The following LIPN variants were observed in gnomAD, a reference collection of about 807,000 sequenced individuals.
The protein encoded by LIPN is lipase member N.
In LIPN, 32 loss-of-function variants were observed where a neutral mutation model predicts 43.7. The observed-to-expected ratio is 0.73, with a 90% CI of 0.55 to 0.98. The LOEUF (loss-of-function observed/expected upper bound fraction) is 0.98. Ranked by LOEUF, LIPN falls within the 50% of genes least tolerant of loss-of-function variation. The pLI is 0.00. For synonymous variants in LIPN, 156 were observed against 157.6 expected, an observed-to-expected ratio of 0.99 and a Z score of 0.08; for missense variants, 505 against 483.8, an observed-to-expected ratio of 1.04 and a Z score of -0.41.
intron 5 of LIPN, among the ~76,000 whole-genome samples, chr10:88,767,743 A>G (rs1178189143): frequency 7.1e-6 from 1 of 141,088 alleles, no homozygotes; most frequent in African/African-American, 2.7e-5. Flanking sequence ...GGACATAAAT[A>G]TTTTTAGTGA....
chr10:88,770,509 C>T (rs1468164232), intron 6 of LIPN, among the ~76,000 whole-genome samples: 1 of 151,760 alleles, frequency 6.6e-6, no homozygotes, highest in Non-Finnish European at 1.5e-5. Context: ...GATTGAGGGC[C>T]TTTATTGCAA....
At chr10:88,771,988 C>A (rs1053938421) in intron 7 of LIPN, among the ~76,000 whole-genome samples, 2 of 151,688 alleles carry the variant, frequency 1.3e-5, no homozygotes, top group Admixed American at 6.6e-5. Flanking sequence ...AGTTTTAGTT[C>A]GCATTTCTCT....
At chr10:88,770,809 A>G in intron 6 of LIPN, 36 bp from the exon 7 acceptor site, 1 of 1,274,384 alleles carries the variant, frequency 7.8e-7, no homozygotes, top group Non-Finnish European at 1.1e-6. Flanking sequence ...CAAATATTTT[A>G]TCTCATTCAA....
intron 4 of LIPN, among the ~76,000 whole-genome samples, chr10:88,764,881 T>G (rs1843066894): frequency 6.6e-6 from 1 of 152,032 alleles, no homozygotes; most frequent in African/African-American, 2.4e-5. Flanking sequence ...CAGGAAATTA[T>G]CATGACCAAT....
intron 8 of LIPN, 142 bp downstream of exon 8, chr10:88,774,686 G>A (rs74147279): frequency 0.012 from 8,046 of 673,182 alleles, 261 homozygotes; most frequent in African/African-American, 0.084. Context: ...TGTATGCCTT[G>A]ATTTCCCTGG....
At chr10:88,757,733 AG>A (rs1842944387), upstream of LIPN, among the ~76,000 whole-genome samples, 2 of 152,172 alleles carry the variant, frequency 1.3e-5, no homozygotes, top group Non-Finnish European at 2.9e-5. Flanking sequence ...CTTTGAGTAA[AG>A]AGATGAAATT....
chr10:88,760,364 G>A (rs1024533749), intron 1 of LIPN, among the ~76,000 whole-genome samples: 1 of 152,074 alleles, frequency 6.6e-6, no homozygotes, highest in African/African-American at 2.4e-5. Flanking sequence ...TTAGAGTAAT[G>A]CCTGCCATAA....
intron 9 of LIPN, among the ~76,000 whole-genome samples, chr10:88,776,265 G>T (rs1843294392): frequency 6.6e-6 from 1 of 151,886 alleles, no homozygotes. Flanking sequence ...TCAGAGAGAA[G>T]AAAGAAGAAA....
chr10:88,764,282 T>C (rs1256293468), intron 3 of LIPN, 128 bp from the exon 4 acceptor site: 2 of 635,134 alleles, frequency 3.1e-6, no homozygotes, highest in Admixed American at 6.1e-5. Flanking sequence ...AGTTTTTGTT[T>C]TACCATGTGT....
At chr10:88,771,682 T>C (rs764806227) in intron 7 of LIPN, among the ~76,000 whole-genome samples, 53 of 151,886 alleles carry the variant, frequency 3.5e-4, no homozygotes, top group Non-Finnish European at 7.4e-4. Context: ...CATATCTTGG[T>C]CATTGTGAAT....
chr10:88,778,192 C>G lies in LIPN; in HGVS notation c.1147C>G (p.Pro383Ala). 2 of 1,612,934 alleles carry G rather than the reference C, an allele frequency of 1.2e-6. No individual in the cohort carries two copies. The highest frequency in any genetic ancestry group is 8.5e-7 in the Non-Finnish European group (1 of 1,179,450). ...HFDFVWGLDA[P>A]QRMYSEIIAL... ...TGATTTTGTCTGGGGCCTCGATGCCCCTCAACGGATGTACAGTGAAATCAT... is the reference window on the plus strand; with the variant it reads ...TGATTTTGTCTGGGGCCTCGATGCCGCTCAACGGATGTACAGTGAAATCAT... The change falls in exon 10 of 10, where the codon CCT (proline) becomes GCT (alanine). Residue 383 changes from proline to alanine, a missense_variant. By Grantham distance (27) the Pro-to-Ala change is conservative. Transcript: ENST00000404459.
In LIPN at chr10:88,766,217, T is replaced by G. The variant is rs551538746; in HGVS notation, c.426-52T>G. 1.8e-3 allele frequency: 1,607 copies of G among 887,806 alleles called. 17 individuals are homozygous for G. In the South Asian group the frequency reaches 0.021, roughly 11 times the overall value. 55.0% of individuals were successfully genotyped at this position (887,806 alleles called of 1,614,324 possible). On this transcript the variant is annotated intron_variant, in intron 4 of 9. Coordinates refer to ENST00000404459, the MANE Select transcript of LIPN (RefSeq NM_001102469.2). ...AAAAGAAGTGAGCAAGTGCTCTGAGTTTTAAACTTAAACTTGCAAGTATTT... is the reference window on the plus strand; with the variant it reads ...AAAAGAAGTGAGCAAGTGCTCTGAGGTTTAAACTTAAACTTGCAAGTATTT...
chr10:88,777,947 C>A, intron 9 of LIPN, 62 bp from the exon 10 acceptor site: 3 of 983,450 alleles, frequency 3.1e-6, no homozygotes, highest in Non-Finnish European at 4.8e-6. Context: ...CATTTAGCAG[C>A]CTTTGTAGTT....
In LIPN at chr10:88,760,776, A is replaced by C. The variant is rs1001727559; in HGVS notation, c.-8-622A>C. ...TGAGGCTGGATTTCAAATTTAGACCATTTGACTGTAGCACTTATATGATGA... is the reference window on the plus strand; with the variant it reads ...TGAGGCTGGATTTCAAATTTAGACCCTTTGACTGTAGCACTTATATGATGA... On this transcript the variant is annotated intron_variant, in intron 1 of 9. Transcript: ENST00000404459. 3.9e-5 allele frequency among the ~76,000 whole-genome samples: 6 copies of C among 152,128 alleles called. No individual in the cohort carries two copies. The South Asian group carries it at 1.2e-3, about 31-fold the overall frequency.
At chr10:88,760,384 G>A (rs1345697586) in intron 1 of LIPN, among the ~76,000 whole-genome samples, 1 of 152,094 alleles carries the variant, frequency 6.6e-6, no homozygotes, top group Non-Finnish European at 1.5e-5. Context: ...AGGGGACTCA[G>A]TAGCTTATTA....
intron 7 of LIPN, among the ~76,000 whole-genome samples, chr10:88,772,835 A>T (rs1185266084): frequency 6.8e-6 from 1 of 146,656 alleles, no homozygotes; most frequent in Non-Finnish European, 1.5e-5. Context: ...GCATTTCAAT[A>T]TGCCAAGAGC....
In LIPN at chr10:88,765,545, A is replaced by G. The variant is rs534195732; in HGVS notation, c.426-724A>G. Among the ~76,000 whole-genome samples, 9 of 152,068 alleles carry G rather than the reference A, an allele frequency of 5.9e-5. No homozygotes were observed. In the East Asian group the frequency reaches 1.6e-3, roughly 26 times the overall value. ...TTCCTCACATGTTCTTTTAATAAAC[A>G]GGCTTCTAGCTTATGGAATACTTGA... On this transcript the variant is annotated intron_variant, in intron 4 of 9. Coordinates refer to ENST00000404459, the MANE Select transcript of LIPN (RefSeq NM_001102469.2).
rs575526609 is a variant in LIPN, at chr10:88,762,208, T to A, written c.129T>A (p.Asn43Lys). 2 of 1,601,518 alleles carry A rather than the reference T, an allele frequency of 1.2e-6. No homozygotes were observed. Among genetic ancestry groups the A allele is most frequent in the South Asian group, 2.2e-5 (2 of 89,720 alleles). The stretch of plus-strand genomic sequence containing the variant: ...GGCAGAGTGAAATCATCATCTACAA[T>A]GGCTACCCCAGTGAAGAGTATGAAG... ...WMNTSEIIIY[N>K]GYPSEEYEVT... Residue 43 changes from asparagine (N) to lysine (K), a missense_variant, in exon 3 of 10, where the codon AAT becomes AAA. Transcript: ENST00000404459.
intron 7 of LIPN, among the ~76,000 whole-genome samples, 172 bp from the exon 8 acceptor site, chr10:88,774,301 G>A (rs1843258456): frequency 6.6e-6 from 1 of 151,964 alleles, no homozygotes; most frequent in Non-Finnish European, 1.5e-5. Context: ...GTCAGCTTGT[G>A]GTTCACTCAC....
Sources: gnomAD v4.1 joint callset for allele counts (sites outside exome capture counted in the v4.1 genomes callset) on GRCh38, gnomAD v4.1.1 for gene constraint, MANE v1.5 for transcripts, NCBI Gene and HGNC (gene_info 2026-07-23, HGNC 2026-07-21) for gene names.